The following COL23A1 variants were observed in gnomAD, a reference collection of about 807,000 sequenced individuals.
COL23A1 encodes collagen alpha-1(XXIII) chain.
Under a neutral mutation model 99.3 loss-of-function variants are expected in COL23A1, and 97 were observed. The observed-to-expected ratio is 0.98, with a 90% CI of 0.83 to 1.16. COL23A1 has a LOEUF of 1.16. COL23A1 is among the 50% of genes most tolerant of loss of function. The pLI is 0.00. For synonymous variants in COL23A1, 320 were observed against 308.2 expected, an observed-to-expected ratio of 1.04 and a Z score of -0.40; for missense variants, 762 against 757.4, an observed-to-expected ratio of 1.01 and a Z score of -0.07.
Position 178,477,657 on chromosome 5 carries a change from A to G in COL23A1, c.361+83025T>C, listed in dbSNP as rs569641625. Reference sequence around the variant, plus strand: ...AGGACACCCGAAGTTCGTGTTAGAAATGCAAAACAGCCTGAACCCTCTGCG... The same window carrying G: ...AGGACACCCGAAGTTCGTGTTAGAAGTGCAAAACAGCCTGAACCCTCTGCG... On this transcript the variant is annotated intron_variant, in intron 2 of 28. Coordinates refer to ENST00000390654, the MANE Select transcript of COL23A1 (RefSeq NM_173465.4). 1.4e-4 allele frequency among the ~76,000 whole-genome samples: 21 copies of G among 152,294 alleles called. 1 individual carries two copies. In the South Asian group the frequency reaches 4.3e-3, roughly 32 times the overall value.
At chr5:178,390,978 AC>A (rs1003404553) in intron 2 of COL23A1, among the ~76,000 whole-genome samples, 6 of 152,170 alleles carry the variant, frequency 3.9e-5, no homozygotes, top group African/African-American at 1.4e-4. Flanking sequence ...AGGGGCCCCA[AC>A]CCCTGGGCTG....
At chr5:178,299,511 G>T (rs73344809) in intron 3 of COL23A1, among the ~76,000 whole-genome samples, 2 of 152,138 alleles carry the variant, frequency 1.3e-5, no homozygotes, top group East Asian at 3.9e-4. Context: ...TTTCAGCCCT[G>T]ATTTTGGTAA....
At chr5:178,561,987 C>T (rs1438452961) in intron 1 of COL23A1, 4 of 438,106 alleles carry the variant, frequency 9.1e-6, no homozygotes, top group African/African-American at 4.0e-5. Flanking sequence ...CAACAAGAGG[C>T]GCAGAGAGCG....
Position 178,313,423 on chromosome 5 carries a change from G to A in COL23A1, c.362-6504C>T, listed in dbSNP as rs983098758. On this transcript the variant is annotated intron_variant, in intron 2 of 28. Coordinates refer to ENST00000390654, the MANE Select transcript of COL23A1 (RefSeq NM_173465.4). The surrounding 1 kb of genome is among the most constrained non-coding windows in gnomAD (Gnocchi z 4.2). The stretch of plus-strand genomic sequence containing the variant: ...CCAGGGGTCTCAGCTACCCCTGAGC[G>A]AGGCTGTGAGCCGGGCCGTCCTGAT... Among the ~76,000 whole-genome samples the A allele has an allele frequency of 6.6e-6, 1 of 152,232 alleles. No individual in the cohort carries two copies. Among genetic ancestry groups the A allele is most frequent in the Non-Finnish European group, 1.5e-5 (1 of 68,046 alleles).
intron 7 of COL23A1, among the ~76,000 whole-genome samples, chr5:178,268,147 T>C (rs1027997430): frequency 3.3e-5 from 5 of 152,072 alleles, no homozygotes; most frequent in African/African-American, 1.2e-4. Context: ...GGGTCGGGGG[T>C]GGACATGGTC....
intron 2 of COL23A1, among the ~76,000 whole-genome samples, chr5:178,552,955 G>A (rs6876777): frequency 0.11 from 17,289 of 151,938 alleles, 1,139 homozygotes; most frequent in African/African-American, 0.16. Context: ...TGATCCCCCC[G>A]CCTTGGCCTC....
chr5:178,329,556 C>T (rs1259702267), intron 2 of COL23A1, among the ~76,000 whole-genome samples: 1 of 152,204 alleles, frequency 6.6e-6, no homozygotes, highest in Admixed American at 6.5e-5. Context: ...GCCCCGCACC[C>T]ACCAGGCTCT....
In COL23A1 at chr5:178,585,751, T is replaced by TAATGCCCTACAGCAC. The variant is rs1562115782; in HGVS notation, c.294+4152_294+4153insGTGCTGTAGGGCATT. 9.5e-4 allele frequency among the ~76,000 whole-genome samples: 5 copies of TAATGCCCTACAGCAC among 5,250 alleles called. 1 individual carries two copies. The highest frequency in any genetic ancestry group is 1.1e-3 in the African/African-American group (3 of 2,822). The allele number at this position is 5,250 out of a possible 152,430, so 3.4% of individuals were successfully genotyped here. The stretch of plus-strand genomic sequence containing the variant: ...CACTCCACAGCCCTGGCTGACCCTG[T>TAATGCCCTACAGCAC]TGGTTGCTCCCCAGTAGCCATGCCC... On this transcript the variant is annotated intron_variant, in intron 1 of 28. Coordinates refer to ENST00000390654, the MANE Select transcript of COL23A1 (RefSeq NM_173465.4).
intron 17 of COL23A1, among the ~76,000 whole-genome samples, chr5:178,252,162 G>T (rs1765072119): frequency 6.6e-6 from 1 of 151,892 alleles, no homozygotes; most frequent in South Asian, 2.1e-4. Flanking sequence ...TGATCCACCT[G>T]CCTCGGCCTC....
chr5:178,261,775 A>G (rs1765640068), intron 10 of COL23A1, 27 bp from the exon 11 acceptor site: 1 of 1,582,096 alleles, frequency 6.3e-7, no homozygotes, highest in African/African-American at 1.3e-5. Flanking sequence ...GAAGGTGTTA[A>G]ATGTCATACT....
intron 2 of COL23A1, among the ~76,000 whole-genome samples, chr5:178,467,063 C>T (rs1388518966): frequency 6.6e-6 from 1 of 152,202 alleles, no homozygotes; most frequent in African/African-American, 2.4e-5. Flanking sequence ...CATACAACTG[C>T]TGTTACGACG....
chr5:178,535,368 G>A (rs576574912), intron 2 of COL23A1, among the ~76,000 whole-genome samples: 91 of 152,234 alleles, frequency 6.0e-4, no homozygotes, highest in Non-Finnish European at 1.1e-3. Flanking sequence ...GCCAAGCCTC[G>A]GTTACACACA....
At chr5:178,426,509 G>A (rs72808854) in intron 2 of COL23A1, among the ~76,000 whole-genome samples, 13,480 of 152,198 alleles carry the variant, frequency 0.089, 708 homozygotes, top group Middle Eastern at 0.19. Context: ...ACCTGCGATC[G>A]CGCTCTGTGC....
At chr5:178,392,784 A>T (rs1359256921) in intron 2 of COL23A1, among the ~76,000 whole-genome samples, 5 of 152,220 alleles carry the variant, frequency 3.3e-5, no homozygotes, top group Non-Finnish European at 5.9e-5. Context: ...TTGACAGTTC[A>T]ACAGAAAATG....
rs925102765 is a variant in COL23A1 at position 178,313,786 on chromosome 5, A to T, written c.362-6867T>A. 2.6e-5 allele frequency among the ~76,000 whole-genome samples: 4 copies of T among 152,130 alleles called. No homozygotes were observed. The highest frequency in any genetic ancestry group is 9.7e-5 in the African/African-American group (4 of 41,412). On this transcript the variant is annotated intron_variant, in intron 2 of 28. Transcript: ENST00000390654. This position sits in a 1 kb window ranked among gnomAD's most constrained non-coding sequence, Gnocchi z 4.2. Reference sequence around the variant, plus strand: ...ATGGCCTGAATCCTCCCAGACCTTCAGTCTGGAGCTCTATGAGATTGCTGG... The same window carrying T: ...ATGGCCTGAATCCTCCCAGACCTTCTGTCTGGAGCTCTATGAGATTGCTGG...
At chr5:178,311,501 T>C (rs1002572021) in intron 2 of COL23A1, among the ~76,000 whole-genome samples, 1 of 9,976 alleles carries the variant, frequency 1.0e-4, no homozygotes, top group Non-Finnish European at 3.4e-4. Flanking sequence ...TGTGTGTGTG[T>C]GTGTGCGCGT....
At chr5:178,523,161 T>TATATATATATACACATATATATATATAC in intron 2 of COL23A1, among the ~76,000 whole-genome samples, 1 of 90,874 alleles carries the variant, frequency 1.1e-5, no homozygotes, top group East Asian at 2.3e-4. Flanking sequence ...TATATATATA[T>TATATATATATACACATATATATATATAC]ACATATATAT....
chr5:178,371,555 A>T (rs1000163601), intron 2 of COL23A1, among the ~76,000 whole-genome samples: 74 of 152,270 alleles, frequency 4.9e-4, no homozygotes, highest in African/African-American at 1.8e-3. Context: ...ACACGCGGCG[A>T]CGGGCCTGAG....
At chr5:178,453,861 G>A (rs1767624061) in intron 2 of COL23A1, among the ~76,000 whole-genome samples, 1 of 152,128 alleles carries the variant, frequency 6.6e-6, no homozygotes, top group African/African-American at 2.4e-5. Context: ...CCTACTCCAT[G>A]CCATGCCTGT....
Sources: allele counts gnomAD v4.1 joint callset (sites outside exome capture counted in the v4.1 genomes callset), GRCh38; gene constraint gnomAD v4.1.1; non-coding constraint Gnocchi (gnomAD v3.1); transcripts MANE v1.5; gene names NCBI Gene and HGNC (gene_info 2026-07-23, HGNC 2026-07-21).